Variants in SV2C observed in about 807,000 individuals in gnomAD.
SV2C encodes synaptic vesicle glycoprotein 2C.
SV2C carries 49 observed loss-of-function variants against 79.7 expected under a neutral mutation model. The observed-to-expected ratio is 0.61, with a 90% CI of 0.49 to 0.78. The LOEUF (loss-of-function observed/expected upper bound fraction) is 0.78, where lower values mean the gene tolerates loss of function less well. Ranked by LOEUF, SV2C falls within the 30% of genes least tolerant of loss-of-function variation. SV2C has a pLI of 0.00. For synonymous variants in SV2C, 334 were observed against 333.2 expected, an observed-to-expected ratio of 1.00 and a Z score of -0.03; for missense variants, 833 against 912.9, an observed-to-expected ratio of 0.91 and a Z score of 1.13.
At chr5:76,132,743 C>G (rs889219641) in intron 2 of SV2C, among the ~76,000 whole-genome samples, 5 of 152,060 alleles carry the variant, frequency 3.3e-5, no homozygotes, top group African/African-American at 1.2e-4. Context: ...TTCTGTAAAA[C>G]TCTGACAATT....
At chr5:76,014,864 TA>T in the SV2C span, among the ~76,000 whole-genome samples, 1 of 152,182 alleles carries the variant, frequency 6.6e-6, no homozygotes, top group Admixed American at 6.5e-5. Flanking sequence ...TTTCCTTTTT[TA>T]AAAAGCCTAC....
At chr5:76,280,873 C>T (rs1218550361) in intron 4 of SV2C, 1 of 452,862 alleles carries the variant, frequency 2.2e-6, no homozygotes, top group South Asian at 1.6e-5. Context: ...TTCAGTTGTT[C>T]TGACCCAAGT....
the SV2C span, chr5:75,911,028 C>A: frequency 9.0e-7 from 1 of 1,105,218 alleles, no homozygotes; most frequent in South Asian, 1.2e-5. Flanking sequence ...TCTACACTTT[C>A]CTTGAAGAGT....
At chr5:76,026,895 G>A in the SV2C span, among the ~76,000 whole-genome samples, 3 of 152,082 alleles carry the variant, frequency 2.0e-5, no homozygotes, top group Non-Finnish European at 4.4e-5. Context: ...AAATGGACAA[G>A]CACCTCAGTT....
intron 2 of SV2C, among the ~76,000 whole-genome samples, chr5:76,146,811 A>T (rs1749446753): frequency 6.7e-6 from 1 of 150,048 alleles, no homozygotes; most frequent in Admixed American, 6.6e-5. Flanking sequence ...AAAAAAAAAA[A>T]AAAAAAAAAG....
chr5:76,141,145 C>T (rs1007414896), intron 2 of SV2C, among the ~76,000 whole-genome samples: 3 of 152,158 alleles, frequency 2.0e-5, no homozygotes, highest in Non-Finnish European at 4.4e-5. Context: ...AAGACTCTTC[C>T]ATCCAAAGAG....
At chr5:75,947,858 A>C in the SV2C span, among the ~76,000 whole-genome samples, 3 of 151,898 alleles carry the variant, frequency 2.0e-5, no homozygotes, top group African/African-American at 7.2e-5. Context: ...GCTTTTATCA[A>C]AGGGGCTCCT....
intron 4 of SV2C, among the ~76,000 whole-genome samples, chr5:76,225,987 G>T (rs1309003296): frequency 6.6e-6 from 1 of 152,190 alleles, no homozygotes; most frequent in East Asian, 1.9e-4. Context: ...TGGGGTAAGA[G>T]CAAAGAGTCC....
the SV2C span, among the ~76,000 whole-genome samples, chr5:75,899,868 A>T: frequency 1.3e-5 from 2 of 151,936 alleles, no homozygotes; most frequent in Non-Finnish European, 2.9e-5. Context: ...AGTCTGTTTT[A>T]TCCGAGACTA....
intron 3 of SV2C, among the ~76,000 whole-genome samples, chr5:76,201,845 C>T (rs1240734335): frequency 1.3e-5 from 2 of 151,686 alleles, no homozygotes; most frequent in South Asian, 2.1e-4. Context: ...GGTGAAACCC[C>T]GTCTCTACTA....
chr5:76,096,850 T>G (rs1561213674), intron 1 of SV2C, among the ~76,000 whole-genome samples: 1 of 152,220 alleles, frequency 6.6e-6, no homozygotes, highest in Admixed American at 6.5e-5. Context: ...CCTGACTGTC[T>G]TTGAGCTGGG....
intron 1 of SV2C, among the ~76,000 whole-genome samples, chr5:76,087,982 G>A (rs896647606): frequency 9.2e-5 from 14 of 152,196 alleles, no homozygotes; most frequent in African/African-American, 3.4e-4. Context: ...TTAGTTGAGT[G>A]CAATAAAGGC....
chr5:75,984,831 T>C, the SV2C span, among the ~76,000 whole-genome samples: 1 of 152,048 alleles, frequency 6.6e-6, no homozygotes, highest in Non-Finnish European at 1.5e-5. Context: ...TTAATTCTTC[T>C]CTGCAGGTTT....
the SV2C span, among the ~76,000 whole-genome samples, chr5:75,893,579 T>G: frequency 6.6e-6 from 1 of 152,082 alleles, no homozygotes; most frequent in African/African-American, 2.4e-5. Context: ...CAATAGACAC[T>G]GGAGACTGCT....
chr5:76,224,673 T>G (rs1745187525), intron 4 of SV2C, among the ~76,000 whole-genome samples: 2 of 152,116 alleles, frequency 1.3e-5, no homozygotes, highest in Non-Finnish European at 2.9e-5. Flanking sequence ...CCCTCATATC[T>G]TAGGGTACAA....
chr5:75,898,792 C>G, the SV2C span, among the ~76,000 whole-genome samples: 1 of 152,124 alleles, frequency 6.6e-6, no homozygotes, highest in Non-Finnish European at 1.5e-5. Context: ...CTGGTTTAGT[C>G]TTGGGAGGGT....
the SV2C span, among the ~76,000 whole-genome samples, chr5:75,870,494 G>T: frequency 6.6e-6 from 1 of 151,884 alleles, no homozygotes; most frequent in Non-Finnish European, 1.5e-5. Context: ...TAAAAAAAAT[G>T]AAGCATGCCT....
the SV2C span, among the ~76,000 whole-genome samples, chr5:76,012,399 A>G: frequency 6.6e-6 from 1 of 152,134 alleles, no homozygotes; most frequent in Non-Finnish European, 1.5e-5. Context: ...TGGCCACACA[A>G]ATGTCTTCTT....
At chr5:76,225,751 T>C (rs979687973) in intron 4 of SV2C, among the ~76,000 whole-genome samples, 1 of 152,202 alleles carries the variant, frequency 6.6e-6, no homozygotes, top group Admixed American at 6.5e-5. Context: ...GGAGCAAATA[T>C]ATTTTCTCTG....
Sources: gnomAD v4.1 joint callset for allele counts (sites outside exome capture counted in the v4.1 genomes callset) on GRCh38, gnomAD v4.1.1 for gene constraint, MANE v1.5 for transcripts, NCBI Gene and HGNC (gene_info 2026-07-23, HGNC 2026-07-21) for gene names.